The following USP24 variants were observed in gnomAD, a reference collection of about 807,000 sequenced individuals.
USP24 encodes the protein ubiquitin carboxyl-terminal hydrolase 24.
Under a neutral mutation model 361.6 loss-of-function variants are expected in USP24, and 97 were observed. That is an observed-to-expected ratio of 0.27 (90% CI 0.23 to 0.32). USP24 has a LOEUF of 0.32. Among genes scored for constraint, USP24 ranks in the 10% least tolerant of loss-of-function variants. The probability of loss-of-function intolerance (pLI) is 1.00; values close to 1 mark genes in which losing one functional copy is unlikely to be tolerated. For synonymous variants in USP24, 1,098 were observed against 1,124.6 expected (o/e 0.98, Z 0.47); for missense variants, 2,353 against 3,165.6 (o/e 0.74, Z 6.16).
chr1:55,198,134 T>C (rs546181972), intron 1 of USP24, among the ~76,000 whole-genome samples: 2 of 131,644 alleles, frequency 1.5e-5, no homozygotes, highest in East Asian at 2.3e-4. Flanking sequence ...ATTTCTTTTT[T>C]AAAAAAATAT....
At chr1:55,168,418 C>CA (rs376832855) in intron 5 of USP24, among the ~76,000 whole-genome samples, 100 of 142,278 alleles carry the variant, frequency 7.0e-4, no homozygotes, top group Admixed American at 1.1e-3. Flanking sequence ...GTTGAGTTGA[C>CA]AAAAAAAAAA....
At chr1:55,150,857 T>C (rs936198501) in intron 16 of USP24, among the ~76,000 whole-genome samples, 4 of 152,206 alleles carry the variant, frequency 2.6e-5, no homozygotes, top group Non-Finnish European at 5.9e-5. Flanking sequence ...ACAATGAAGA[T>C]ATCTGATAAT....
chr1:55,147,070 G>T lies in USP24; in HGVS notation c.2119-10C>A. 2 of 1,541,028 alleles carry T rather than the reference G, an allele frequency of 1.3e-6. No individual in the cohort carries two copies. Among genetic ancestry groups the T allele is most frequent in the Non-Finnish European group, 1.7e-6 (2 of 1,148,550 alleles). On this transcript the variant is annotated splice_polypyrimidine_tract_variant and intron_variant, in intron 18 of 67. Transcript: ENST00000294383. ...GATGTGCCTCTAAATACTGCAAAAAGAAATAATGCTAATTAGTTAACTCCA... is the reference window on the plus strand; with the variant it reads ...GATGTGCCTCTAAATACTGCAAAAATAAATAATGCTAATTAGTTAACTCCA...
At chr1:55,138,148 G>T (rs1019874298) in intron 26 of USP24, among the ~76,000 whole-genome samples, 1 of 151,652 alleles carries the variant, frequency 6.6e-6, no homozygotes, top group Non-Finnish European at 1.5e-5. Flanking sequence ...CCACTGCAGC[G>T]TTGTCCACTC....
chr1:55,178,227 G>A, intron 1 of USP24, 95 bp from the exon 2 acceptor site: 3 of 1,296,428 alleles, frequency 2.3e-6, no homozygotes, highest in Non-Finnish European at 3.2e-6. Flanking sequence ...CTGAATCAAT[G>A]GTAGCTATTA....
At chr1:55,159,122 G>A in intron 9 of USP24, 86 bp from the exon 10 acceptor site, 1 of 1,176,732 alleles carries the variant, frequency 8.5e-7, no homozygotes, top group Non-Finnish European at 1.1e-6. Flanking sequence ...AAGAATATAG[G>A]GTAACAGTGG....
rs372169192 is a variant in USP24 at position 55,071,859 on chromosome 1, C to T, written c.7755G>A (p.Ser2585=). 1.8e-5 allele frequency: 29 copies of T among 1,613,340 alleles called. No homozygotes were observed. The highest frequency in any genetic ancestry group is 3.3e-5 in the South Asian group (3 of 90,788). The change falls in exon 67 of 68, where the codon TCG becomes TCA. Residue 2585 remains serine, a synonymous_variant. Transcript: ENST00000294383. The part of the protein sequence containing the change: ...EKEQSGSSNG[S]ESSPANENGD... ...CGTTCTCATTGGCAGGACTACTCTC[C>T]GACCCATTACTGCTTCCTGATTGCT...
rs746097855 is a variant in USP24, at chr1:55,075,503, T to G, written c.7401A>C (p.Gln2467His). The change falls in exon 63 of 68, where the codon CAA becomes CAC. Residue 2467 changes from glutamine (Q) to histidine (H), a missense_variant. Coordinates refer to ENST00000294383, the MANE Select transcript of USP24 (RefSeq NM_015306.3). ...HEILVIEDPI[Q>H]VERVKFVFET... is the part of the protein sequence containing the mutation. ...CAAACACAAATTTGACTCGCTCTACTTGTATAGGATCTTCAATAACCTGGG... is the reference window on the plus strand; with the variant it reads ...CAAACACAAATTTGACTCGCTCTACGTGTATAGGATCTTCAATAACCTGGG... 7.5e-5 allele frequency: 120 copies of G among 1,600,638 alleles called. No homozygotes were observed. The highest frequency in any genetic ancestry group is 1.0e-4 in the Non-Finnish European group (118 of 1,174,060).
intron 1 of USP24, among the ~76,000 whole-genome samples, chr1:55,191,805 T>C (rs1030817939): frequency 6.6e-6 from 1 of 152,102 alleles, no homozygotes; most frequent in African/African-American, 2.4e-5. Flanking sequence ...CTTTTAATTG[T>C]TGCAACTGAA....
At chr1:55,182,194 G>A (rs1643991016) in intron 1 of USP24, among the ~76,000 whole-genome samples, 1 of 152,134 alleles carries the variant, frequency 6.6e-6, no homozygotes, top group Admixed American at 6.5e-5. Flanking sequence ...TGGGACTATA[G>A]GCATGTGCCA....
At chr1:55,184,351 C>G (rs975455028) in intron 1 of USP24, among the ~76,000 whole-genome samples, 1 of 152,142 alleles carries the variant, frequency 6.6e-6, no homozygotes, top group Non-Finnish European at 1.5e-5. Flanking sequence ...GCCACCACAC[C>G]CAGCCAGGAA....
At chr1:55,136,930 A>G (rs567436312) in intron 28 of USP24, among the ~76,000 whole-genome samples, 1 of 152,314 alleles carries the variant, frequency 6.6e-6, no homozygotes, top group Admixed American at 6.5e-5. Context: ...ATATGCAGAG[A>G]CTGGAGACTG....
In USP24 at chr1:55,134,554, T is replaced by C. The variant is rs1463846724; in HGVS notation, c.3202-141A>G. 6 of 684,822 alleles carry C rather than the reference T, an allele frequency of 8.8e-6. No individual in the cohort carries two copies. The East Asian group carries it at 1.1e-4, about 12-fold the overall frequency. 42.4% of individuals were successfully genotyped at this position (684,822 alleles called of 1,614,324 possible). On this transcript the variant is annotated intron_variant, in intron 28 of 67. Transcript: ENST00000294383. ...GCTTGAGGGAAGCACAGTGCTCGTC[T>C]GTACTGAAGAACACCACATGGTAAC... is the stretch of plus-strand genomic sequence containing the variant.
chr1:55,205,513 T>A (rs1644682331), intron 1 of USP24, among the ~76,000 whole-genome samples: 1 of 147,534 alleles, frequency 6.8e-6, no homozygotes, highest in Admixed American at 6.7e-5. Context: ...AAATGTGAAT[T>A]CTAGATTTAA....
rs1328935528 is a variant in USP24, at chr1:55,142,911, AT to A, written c.2580+67del. On this transcript the variant is annotated intron_variant, in intron 22 of 67. Coordinates refer to ENST00000294383, the MANE Select transcript of USP24 (RefSeq NM_015306.3). ...TTGGTCATGCCAAGGATCACAGCTT[AT>A]CACTAAAATATACATATAATTTTCT... 21 of 1,432,094 alleles carry A rather than the reference AT, an allele frequency of 1.5e-5. No homozygotes were observed. The Admixed American group carries it at 5.4e-4, about 37-fold the overall frequency. 88.7% of individuals were successfully genotyped at this position (1,432,094 alleles called of 1,614,324 possible).
At chr1:55,210,315 T>A (rs1404351427) in intron 1 of USP24, among the ~76,000 whole-genome samples, 1 of 152,226 alleles carries the variant, frequency 6.6e-6, no homozygotes. Flanking sequence ...TCCCTATTTT[T>A]ATTTCATCTA....
intron 54 of USP24, among the ~76,000 whole-genome samples, chr1:55,091,675 T>G (rs1054971679): frequency 2.0e-5 from 3 of 152,194 alleles, no homozygotes; most frequent in Admixed American, 6.5e-5. Context: ...GGCTTTCCTT[T>G]CTGCCTAAAA....
chr1:55,148,657 G>C (rs1190234563), intron 16 of USP24, 87 bp from the exon 17 acceptor site: 4 of 933,114 alleles, frequency 4.3e-6, no homozygotes, highest in Non-Finnish European at 6.5e-6. Context: ...AAGTCAATCA[G>C]GTTTACTGTT....
chr1:55,081,045 T>C (rs779443662), intron 59 of USP24, among the ~76,000 whole-genome samples: 2 of 152,164 alleles, frequency 1.3e-5, no homozygotes, highest in Non-Finnish European at 2.9e-5. Context: ...AGGTGATAAA[T>C]GAGCTCTGAA....
Sources: allele counts gnomAD v4.1 joint callset (sites outside exome capture counted in the v4.1 genomes callset), GRCh38; gene constraint gnomAD v4.1.1; transcripts MANE v1.5; gene names NCBI Gene and HGNC (gene_info 2026-07-23, HGNC 2026-07-21).